The following KIAA0319 variants were observed in gnomAD, a reference collection of about 807,000 sequenced individuals.
KIAA0319 encodes the protein KIAA0319.
Under a neutral mutation model 108.4 loss-of-function variants are expected in KIAA0319, and 83 were observed. That is an observed-to-expected ratio of 0.77 (90% CI 0.64 to 0.92). KIAA0319 has a LOEUF of 0.92. KIAA0319 is among the 40% of genes least tolerant of loss of function. The pLI, the probability that KIAA0319 is intolerant of heterozygous loss-of-function variation, is 0.00. For missense variants in KIAA0319, 1,195 were observed against 1,322.4 expected (o/e 0.90, Z 1.49); for synonymous variants, 484 against 510.4 (o/e 0.95, Z 0.70).
chr6:24,628,299 A>G (rs566066630), intron 1 of KIAA0319, among the ~76,000 whole-genome samples: 2 of 150,236 alleles, frequency 1.3e-5, no homozygotes, highest in East Asian at 1.9e-4. Flanking sequence ...TCCGTTCAAT[A>G]ATTTTTCTAA....
At chr6:24,614,464 T>C (rs1344964562) in intron 1 of KIAA0319, among the ~76,000 whole-genome samples, 4 of 152,218 alleles carry the variant, frequency 2.6e-5, no homozygotes, top group Non-Finnish European at 5.9e-5. Context: ...AGTGCAACTA[T>C]GTATAAAAAT....
rs1393212668 is a variant in KIAA0319, at chr6:24,556,754, G to C, written c.2735-25C>G. 8 of 1,595,894 alleles carry C rather than the reference G, an allele frequency of 5.0e-6. No homozygotes were observed. In the South Asian group the frequency reaches 7.9e-5, roughly 16 times the overall value. ...CCTGCAAAGAGGTGTGTAGGGCTGA[G>C]GGCAGCATGCAGAAAAGGGAATCCC... On this transcript the variant is annotated intron_variant, in intron 17 of 20. Transcript: ENST00000378214.
At chr6:24,580,047 G>T (rs1050084273) in intron 7 of KIAA0319, 97 bp from the exon 8 acceptor site, 39 of 909,940 alleles carry the variant, frequency 4.3e-5, no homozygotes, top group Admixed American at 9.5e-5. Context: ...GATTATACAT[G>T]TCCTGTCAAG....
chr6:24,549,319 C>CT (rs1378487702), intron 20 of KIAA0319, among the ~76,000 whole-genome samples: 1 of 89,230 alleles, frequency 1.1e-5, no homozygotes, highest in African/African-American at 4.5e-5. Flanking sequence ...GAGCAAGACT[C>CT]TGTCTCCAAA....
At chr6:24,549,882 G>C (rs530632440) in intron 20 of KIAA0319, among the ~76,000 whole-genome samples, 32 of 152,128 alleles carry the variant, frequency 2.1e-4, no homozygotes, top group Non-Finnish European at 4.4e-4. Context: ...GGGGGGCGGT[G>C]TGTGTGGAGC....
rs1766944197 is a variant in KIAA0319 at position 24,583,496 on chromosome 6, G to T, written c.1093+108C>A. 4.8e-5 allele frequency: 36 copies of T among 743,936 alleles called. No individual in the cohort carries two copies. The South Asian group carries it at 6.4e-4, about 13-fold the overall frequency. 46.1% of individuals were successfully genotyped at this position (743,936 alleles called of 1,614,324 possible). On this transcript the variant is annotated intron_variant, in intron 5 of 20. Coordinates refer to ENST00000378214, the MANE Select transcript of KIAA0319 (RefSeq NM_014809.4). ...CTTGTCCTCCACCTTTGTTTGTGACGTCGTGCAATACTGTGAAAAAGAATC... is the reference window on the plus strand; with the variant it reads ...CTTGTCCTCCACCTTTGTTTGTGACTTCGTGCAATACTGTGAAAAAGAATC...
Position 24,572,694 on chromosome 6 carries a change from A to G in KIAA0319, c.1739T>C (p.Val580Ala), listed in dbSNP as rs777959823. The change falls in exon 11 of 21, where the codon GTA (valine) becomes GCA (alanine). Residue 580 changes from valine to alanine, a missense_variant. Transcript: ENST00000378214. ...AGATAAATGAAGGTATGGCGTCTGT[A>G]CTCCCTAAGTAATAGCAAATACAAA... ...SEGKHVVMQG[V>A]QTPYLHLSAM... 6.2e-7 allele frequency: 1 copy of G among 1,607,614 alleles called. No homozygotes were observed. Among genetic ancestry groups the G allele is most frequent in the Admixed American group, 1.7e-5 (1 of 58,202 alleles).
In KIAA0319 at chr6:24,570,031, G is replaced by T; in HGVS notation, c.1863C>A (p.Asn621Lys). 2 of 1,613,556 alleles carry T rather than the reference G, an allele frequency of 1.2e-6. No homozygotes were observed. The highest frequency in any genetic ancestry group is 2.2e-5 in the South Asian group (2 of 91,012). ...AVVTVIVQPE[N>K]NRPPVAVAGP... ...CGGCCACAGCCACTGGAGGTCTATTGTTTTCTGGAATTACAGAAACAGTGT... is the reference window on the plus strand; with the variant it reads ...CGGCCACAGCCACTGGAGGTCTATTTTTTTCTGGAATTACAGAAACAGTGT... The change falls in exon 12 of 21, where the codon AAC becomes AAA. Residue 621 changes from asparagine (N) to lysine (K), a missense_variant. By Grantham distance (94) the Asn-to-Lys change is moderately conservative. Coordinates refer to ENST00000378214, the MANE Select transcript of KIAA0319 (RefSeq NM_014809.4).
At chr6:24,602,455 T>A (rs2127537077) in intron 1 of KIAA0319, among the ~76,000 whole-genome samples, 1 of 152,158 alleles carries the variant, frequency 6.6e-6, no homozygotes, top group Non-Finnish European at 1.5e-5. Flanking sequence ...AGAACCGGGG[T>A]CAGAGGCTTG....
chr6:24,550,064 T>C (rs760572188), intron 20 of KIAA0319, among the ~76,000 whole-genome samples: 1 of 152,210 alleles, frequency 6.6e-6, no homozygotes, highest in Non-Finnish European at 1.5e-5. Context: ...TATTATGCAA[T>C]GCAAATGGTG....
chr6:24,597,103 CCATTT>C (rs940186396), intron 2 of KIAA0319, among the ~76,000 whole-genome samples: 1 of 152,164 alleles, frequency 6.6e-6, no homozygotes. Context: ...ACCCTTCCTT[CCATTT>C]GTTATTTTTT....
chr6:24,595,625 T>C (rs16889506), intron 3 of KIAA0319, among the ~76,000 whole-genome samples: 35,473 of 150,282 alleles, frequency 0.24, 4,672 homozygotes, highest in African/African-American at 0.35. Flanking sequence ...GGCTGACTCG[T>C]GAAGGCAGAA....
At chr6:24,561,446 A>T (rs542649303) in intron 16 of KIAA0319, among the ~76,000 whole-genome samples, 1 of 152,338 alleles carries the variant, frequency 6.6e-6, no homozygotes, top group East Asian at 1.9e-4. Context: ...GTTCTTCTCA[A>T]GTGAGTTTTT....
chr6:24,563,253 A>C, intron 16 of KIAA0319, 106 bp downstream of exon 16: 1 of 1,314,012 alleles, frequency 7.6e-7, no homozygotes, highest in Non-Finnish European at 1.0e-6. Flanking sequence ...AGTGTGTCAA[A>C]AATACAAAAG....
chr6:24,540,718 T>C (rs773244554), downstream of KIAA0319, among the ~76,000 whole-genome samples: 1 of 152,096 alleles, frequency 6.6e-6, no homozygotes, highest in Non-Finnish European at 1.5e-5. Flanking sequence ...ACTGTTGATA[T>C]GTGGATCTGG....
At chr6:24,610,978 A>G (rs922941201) in intron 1 of KIAA0319, among the ~76,000 whole-genome samples, 7 of 152,206 alleles carry the variant, frequency 4.6e-5, no homozygotes, top group African/African-American at 1.7e-4. Context: ...CAAACAAACA[A>G]ACAAAAAAAC....
chr6:24,613,020 C>T (rs1772587840), intron 1 of KIAA0319, among the ~76,000 whole-genome samples: 1 of 152,114 alleles, frequency 6.6e-6, no homozygotes, highest in South Asian at 2.1e-4. Flanking sequence ...AGGATGGTCT[C>T]GATCTCCTGA....
rs1562090928 is a variant in KIAA0319, at chr6:24,624,024, T to TC, written c.-106+21711_-106+21712insG. ...TTTGAATTTCTTTGTTTTCTTTTTT[T>TC]TTTTTTTTTTTTTTTTTTTAGACAA... On this transcript the variant is annotated intron_variant, in intron 1 of 20. Coordinates refer to ENST00000378214, the MANE Select transcript of KIAA0319 (RefSeq NM_014809.4). Among the ~76,000 whole-genome samples, 22 of 139,124 alleles carry TC rather than the reference T, an allele frequency of 1.6e-4. No individual in the cohort carries two copies. The East Asian group carries it at 4.4e-3, about 28-fold the overall frequency. 91.3% of individuals were successfully genotyped at this position (139,124 alleles called of 152,430 possible).
chr6:24,599,633 TG>T lies in KIAA0319; in HGVS notation c.55+1415del. 1 of 626,582 alleles carries T rather than the reference TG, an allele frequency of 1.6e-6. No homozygotes were observed. The highest frequency in any genetic ancestry group is 3.0e-6 in the Non-Finnish European group (1 of 338,004). 38.8% of individuals were successfully genotyped at this position (626,582 alleles called of 1,614,324 possible). ...ACTCAGGTGAGCTGAGCTCAGCCTA[TG>T]GGGGCCTCAGCTACAGCCTGGGCTC... is the stretch of plus-strand genomic sequence containing the variant. On this transcript the variant is annotated intron_variant, in intron 2 of 20. Transcript: ENST00000378214. This position sits in a 1 kb window ranked among gnomAD's most constrained non-coding sequence, Gnocchi z 4.1.
Sources: gnomAD v4.1 joint callset for allele counts (sites outside exome capture counted in the v4.1 genomes callset) on GRCh38, gnomAD v4.1.1 for gene constraint, Gnocchi (gnomAD v3.1) non-coding constraint, MANE v1.5 for transcripts, NCBI Gene and HGNC (gene_info 2026-07-23, HGNC 2026-07-21) for gene names.